Variants in KIAA2012 observed in about 807,000 individuals in gnomAD.
KIAA2012 encodes the protein KIAA2012, also known as uncharacterized protein KIAA2012.
KIAA2012 carries 125 observed loss-of-function variants against 150.6 expected under a neutral mutation model. The observed-to-expected ratio is 0.83, with a 90% CI of 0.72 to 0.96. The LOEUF is 0.96. Ranked by LOEUF, KIAA2012 falls within the 40% of genes least tolerant of loss-of-function variation. The pLI, the probability that KIAA2012 is intolerant of heterozygous loss-of-function variation, is 0.00. For missense variants in KIAA2012, 1,219 were observed against 1,354.9 expected (o/e 0.90, Z 1.57); for synonymous variants, 462 against 504.7 (o/e 0.92, Z 1.13).
At chr2:202,185,319 G>A (rs775152269) in intron 16 of KIAA2012, among the ~76,000 whole-genome samples, 20 of 152,310 alleles carry the variant, frequency 1.3e-4, no homozygotes, top group South Asian at 4.1e-4. Context: ...CCAGTCAGGC[G>A]TAGTGTTTTG....
intron 13 of KIAA2012, among the ~76,000 whole-genome samples, chr2:202,141,681 C>T (rs1372487536): frequency 6.6e-6 from 1 of 152,066 alleles, no homozygotes; most frequent in East Asian, 1.9e-4. Flanking sequence ...TCATTTCTGC[C>T]TCGTGGCTCC....
chr2:202,193,280 G>C, intron 19 of KIAA2012, 21 bp from the exon 20 acceptor site: 1 of 1,547,900 alleles, frequency 6.5e-7, no homozygotes, highest in Non-Finnish European at 8.7e-7. Context: ...TTATTGCACT[G>C]AGAACACTCT....
intron 14 of KIAA2012, among the ~76,000 whole-genome samples, chr2:202,156,822 T>C (rs1182269201): frequency 1.3e-5 from 2 of 152,080 alleles, no homozygotes; most frequent in Non-Finnish European, 2.9e-5. Flanking sequence ...GAGGTGGAGC[T>C]TGCAGTGAGC....
chr2:202,154,704 A>C lies in KIAA2012; in HGVS notation c.1940A>C (p.Gln647Pro), dbSNP rs1156352944. 2.6e-6 allele frequency: 4 copies of C among 1,548,704 alleles called. No homozygotes were observed. In the East Asian group the frequency reaches 9.8e-5, roughly 38 times the overall value. The change falls in exon 14 of 24, where the codon CAG (glutamine) becomes CCG (proline). Residue 647 changes from glutamine (Q) to proline (P), a missense_variant. By Grantham distance (76) the Gln-to-Pro change is moderately conservative (BLOSUM62 -1). Transcript: ENST00000498697. Reference sequence around the variant, plus strand: ...CAGCAGTCCTTGGAGGCAGCAGCTCAGAAGACAGGAGAGCCTCAAAGTTGT... The same window carrying C: ...CAGCAGTCCTTGGAGGCAGCAGCTCCGAAGACAGGAGAGCCTCAAAGTTGT... ...GAQQSLEAAA[Q>P]KTGEPQSCIN...
At position 202,200,357 on chromosome 2, in the gene KIAA2012, A is replaced by C. The variant is rs116382583; in HGVS notation, c.3408-2072A>C. 7.4e-4 allele frequency among the ~76,000 whole-genome samples: 113 copies of C among 152,294 alleles called. 1 individual carries two copies. Among genetic ancestry groups the C allele is most frequent in the African/African-American group, 2.6e-3 (107 of 41,572 alleles). On this transcript the variant is annotated intron_variant, in intron 22 of 23. Transcript: ENST00000498697. ...AGGTTCATGTATGCAGAGACAACCTATGAGGAGGACCCAAAAGGCACCCTC... is the reference window on the plus strand; with the variant it reads ...AGGTTCATGTATGCAGAGACAACCTCTGAGGAGGACCCAAAAGGCACCCTC...
At chr2:202,184,943 T>TTC in intron 16 of KIAA2012, 100 bp downstream of exon 16, 1 of 870,876 alleles carries the variant, frequency 1.1e-6, no homozygotes, top group Admixed American at 3.1e-5. Flanking sequence ...GGAATGGGAG[T>TTC]TCTCAGCTGA....
In KIAA2012 at chr2:202,105,883, G is replaced by C; in HGVS notation, c.1447G>C (p.Ala483Pro). 6.4e-7 allele frequency: 1 copy of C among 1,550,862 alleles called. No homozygotes were observed. The highest frequency in any genetic ancestry group is 8.7e-7 in the Non-Finnish European group (1 of 1,147,064). Residue 483 changes from alanine to proline, a missense_variant, in exon 9 of 24, where the codon GCG becomes CCG. Physicochemically the swap from Ala to Pro is conservative, Grantham distance 27 (BLOSUM62 -1). Transcript: ENST00000498697. The stretch of plus-strand genomic sequence containing the variant: ...GTTAACAGTGCATCTCCCAGTGGAC[G>C]CGAGCAGGGACACACTCTCACCTCA... The part of the protein sequence containing the change: ...WELTVHLPVD[A>P]SRDTLSPQDD...
chr2:202,179,397 C>T, intron 15 of KIAA2012: 1 of 771,966 alleles, frequency 1.3e-6, no homozygotes. Context: ...GGAGCCCTGT[C>T]AGTGGGAATT....
Position 202,097,531 on chromosome 2 carries a change from C to T in KIAA2012, c.782C>T (p.Pro261Leu). Residue 261 changes from proline to leucine, a missense_variant, in exon 5 of 24, where the codon CCA becomes CTA. Physicochemically the swap from Pro to Leu is moderately conservative, Grantham distance 98. Coordinates refer to ENST00000498697, the MANE Select transcript of KIAA2012 (RefSeq NM_001277372.4). ...KNHGSQGTRL[P>L]PRRKQPWQED... ...CATGGCAGTCAGGGGACTCGCTTGC[C>T]ACCACGCAGGAAGCAGCCCTGGCAG... 2.6e-6 allele frequency: 4 copies of T among 1,550,348 alleles called. No individual in the cohort carries two copies. Among genetic ancestry groups the T allele is most frequent in the Non-Finnish European group, 1.7e-6 (2 of 1,146,962 alleles).
intron 14 of KIAA2012, among the ~76,000 whole-genome samples, chr2:202,162,377 C>T (rs1045036004): frequency 7.9e-5 from 12 of 151,746 alleles, no homozygotes; most frequent in Non-Finnish European, 1.3e-4. Flanking sequence ...TGGGTTCAAG[C>T]GATTCTCCTG....
chr2:202,195,130 C>T (rs180887240), intron 21 of KIAA2012, among the ~76,000 whole-genome samples: 119 of 152,066 alleles, frequency 7.8e-4, no homozygotes, highest in African/African-American at 1.3e-3. Flanking sequence ...ACAGTGTGAC[C>T]GTTTGGCACA....
At chr2:202,075,776 CATAA>C (rs1689311452) in intron 2 of KIAA2012, among the ~76,000 whole-genome samples, 1 of 152,302 alleles carries the variant, frequency 6.6e-6, no homozygotes, top group Non-Finnish European at 1.5e-5. Flanking sequence ...TGGCTGAGGC[CATAA>C]GATAGTCTGG....
At chr2:202,083,161 G>A (rs1407685228) in intron 2 of KIAA2012, among the ~76,000 whole-genome samples, 2 of 152,140 alleles carry the variant, frequency 1.3e-5, no homozygotes, top group African/African-American at 4.8e-5. Flanking sequence ...ACCACTTCAC[G>A]ACTTTCTTCT....
At chr2:202,166,664 A>C (rs550554819) in intron 15 of KIAA2012, among the ~76,000 whole-genome samples, 96 of 132,736 alleles carry the variant, frequency 7.2e-4, no homozygotes, top group African/African-American at 1.9e-3. Flanking sequence ...CTCCAAAAAA[A>C]AACAAAAACA....
At chr2:202,082,781 T>C (rs932235913) in intron 2 of KIAA2012, among the ~76,000 whole-genome samples, 4 of 152,266 alleles carry the variant, frequency 2.6e-5, no homozygotes, top group Non-Finnish European at 5.9e-5. Context: ...GTTTTAGTTC[T>C]TATGTTTAGG....
chr2:202,082,645 A>AT (rs1399705474), intron 2 of KIAA2012, among the ~76,000 whole-genome samples: 1 of 151,414 alleles, frequency 6.6e-6, no homozygotes, highest in East Asian at 1.9e-4. Flanking sequence ...CAACTTATCT[A>AT]TTTTTTTCTT....
chr2:202,132,027 T>C (rs1476477130), intron 12 of KIAA2012, among the ~76,000 whole-genome samples: 1 of 151,628 alleles, frequency 6.6e-6, no homozygotes, highest in Admixed American at 6.6e-5. Context: ...AAATACAAAA[T>C]TAGCAAGGCG....
chr2:202,183,723 C>G (rs1352069985), intron 15 of KIAA2012, among the ~76,000 whole-genome samples: 1 of 152,122 alleles, frequency 6.6e-6, no homozygotes, highest in Non-Finnish European at 1.5e-5. Flanking sequence ...CCAGGCTGGT[C>G]TCCAACTCCC....
Position 202,194,371 on chromosome 2 carries a change from G to C in KIAA2012, c.3187+9G>C, listed in dbSNP as rs1346674037. On this transcript the variant is annotated intron_variant, in intron 21 of 23. Transcript: ENST00000498697. Reference sequence around the variant, plus strand: ...GGAAGCCGAGAGGGCCGGTGAGGGGGTTCTTGAGCTCTTTGCATCTCTCTT... The same window carrying C: ...GGAAGCCGAGAGGGCCGGTGAGGGGCTTCTTGAGCTCTTTGCATCTCTCTT... The C allele has an allele frequency of 1.3e-6, 2 of 1,549,202 alleles. No individual in the cohort carries two copies. Among genetic ancestry groups the C allele is most frequent in the African/African-American group, 1.4e-5 (1 of 73,080 alleles).
Sources: gnomAD v4.1 joint callset for allele counts (sites outside exome capture counted in the v4.1 genomes callset) on GRCh38, gnomAD v4.1.1 for gene constraint, MANE v1.5 for transcripts, NCBI Gene and HGNC (gene_info 2026-07-23, HGNC 2026-07-21) for gene names.